The following CHD7 variants were observed in gnomAD, a reference collection of about 807,000 sequenced individuals.
CHD7 encodes the protein chromodomain helicase DNA binding protein 7.
In CHD7, 24 loss-of-function variants were observed where a neutral mutation model predicts 307.3. That is an observed-to-expected ratio of 0.08 (90% CI 0.06 to 0.11). The LOEUF (loss-of-function observed/expected upper bound fraction) is 0.11, where lower values mean the gene tolerates loss of function less well. Among genes scored for constraint, CHD7 ranks in the 10% least tolerant of loss-of-function variants. The pLI, the probability that CHD7 is intolerant of heterozygous loss-of-function variation, is 1.00. For missense variants in CHD7, 3,106 were observed against 3,727.1 expected (o/e 0.83, Z 4.34); for synonymous variants, 1,363 against 1,349.9 (o/e 1.01, Z -0.21).
At chr8:60,688,558 G>A (rs1022297256) in intron 1 of CHD7, among the ~76,000 whole-genome samples, 12 of 152,134 alleles carry the variant, frequency 7.9e-5, no homozygotes, top group African/African-American at 2.9e-4. Flanking sequence ...GTCCATCAGT[G>A]CAACCAGATG....
intron 9 of CHD7, among the ~76,000 whole-genome samples, 189 bp from the exon 10 acceptor site, chr8:60,821,601 T>C (rs1236049114): frequency 6.6e-6 from 1 of 150,922 alleles, no homozygotes; most frequent in Non-Finnish European, 1.5e-5. Flanking sequence ...TATACACACA[T>C]ACATATGTAT....
At chr8:60,731,454 C>T (rs1298886952) in intron 1 of CHD7, among the ~76,000 whole-genome samples, 9 of 152,074 alleles carry the variant, frequency 5.9e-5, no homozygotes, top group Non-Finnish European at 8.8e-5. Flanking sequence ...AAATGTGTTC[C>T]AACTGACGGC....
intron 13 of CHD7, 62 bp downstream of exon 13, chr8:60,824,078 C>A: frequency 1.4e-6 from 2 of 1,436,372 alleles, no homozygotes; most frequent in Non-Finnish European, 1.9e-6. Flanking sequence ...CTTGATAGTC[C>A]CGTTGCTCAG....
chr8:60,746,921 T>C (rs1009120065), intron 2 of CHD7, among the ~76,000 whole-genome samples: 1 of 152,234 alleles, frequency 6.6e-6, no homozygotes, highest in Non-Finnish European at 1.5e-5. Context: ...AATAGCTAAT[T>C]AGAACAGTTT....
chr8:60,700,661 C>T (rs1428694687), intron 1 of CHD7, among the ~76,000 whole-genome samples: 2 of 152,216 alleles, frequency 1.3e-5, no homozygotes, highest in Non-Finnish European at 2.9e-5. Context: ...TGTCAACATG[C>T]AGCTTTCTAA....
At chr8:60,727,328 A>G (rs1351975484) in intron 1 of CHD7, among the ~76,000 whole-genome samples, 6 of 152,060 alleles carry the variant, frequency 3.9e-5, no homozygotes, top group Non-Finnish European at 8.8e-5. Flanking sequence ...GGGTTTCCCC[A>G]TGTTGACCAG....
intron 2 of CHD7, among the ~76,000 whole-genome samples, chr8:60,747,387 A>T (rs1809384520): frequency 1.3e-5 from 2 of 152,154 alleles, no homozygotes; most frequent in African/African-American, 4.8e-5. Flanking sequence ...TAAAATATTG[A>T]TGAAAGTTTA....
At chr8:60,707,383 C>T (rs976421581) in intron 1 of CHD7, among the ~76,000 whole-genome samples, 59 of 152,218 alleles carry the variant, frequency 3.9e-4, no homozygotes, top group African/African-American at 1.4e-3. Flanking sequence ...GAGTGCTCTT[C>T]TGTGGTCCTG....
At chr8:60,784,460 T>A (rs1017277737) in intron 3 of CHD7, among the ~76,000 whole-genome samples, 1 of 152,210 alleles carries the variant, frequency 6.6e-6, no homozygotes, top group Non-Finnish European at 1.5e-5. Flanking sequence ...TACAAACAAG[T>A]GTGCTGTTCT....
intron 34 of CHD7, among the ~76,000 whole-genome samples, chr8:60,860,262 G>C (rs1024756042): frequency 1.3e-5 from 2 of 152,188 alleles, no homozygotes; most frequent in Non-Finnish European, 2.9e-5. Context: ...GGATCTCCAA[G>C]AGAGACTGAG....
chr8:60,679,842 G>C (rs1805498291), intron 1 of CHD7: 1 of 150,654 alleles, frequency 6.6e-6, no homozygotes, highest in Admixed American at 6.6e-5. Context: ...GGCGGGGGCA[G>C]CGCGAACACG....
chr8:60,754,776 G>C (rs1166504675), intron 2 of CHD7, among the ~76,000 whole-genome samples: 1 of 152,174 alleles, frequency 6.6e-6, no homozygotes, highest in Non-Finnish European at 1.5e-5. Flanking sequence ...TCAAATGGCA[G>C]GTTAAGTTGA....
chr8:60,738,554 T>A (rs923076634), intron 1 of CHD7, among the ~76,000 whole-genome samples: 3 of 152,166 alleles, frequency 2.0e-5, no homozygotes, highest in Admixed American at 6.5e-5. Flanking sequence ...CAGCTGCGAC[T>A]TGGGAAAGTG....
Position 60,793,792 on chromosome 8 carries a change from A to G in CHD7, c.2097-1194A>G, listed in dbSNP as rs74717159. On this transcript the variant is annotated intron_variant, in intron 3 of 37. Coordinates refer to ENST00000423902, the MANE Select transcript of CHD7 (RefSeq NM_017780.4). ...TCATTACTGAGGTTGGATTATTTTC[A>G]GTGTTGGATAACAAATAGTAATTGG... 2.0e-5 allele frequency among the ~76,000 whole-genome samples: 3 copies of G among 152,290 alleles called. No homozygotes were observed. The East Asian group carries it at 5.8e-4, about 29-fold the overall frequency.
intron 8 of CHD7, among the ~76,000 whole-genome samples, chr8:60,816,889 T>G (rs1033560982): frequency 2.0e-5 from 3 of 152,224 alleles, no homozygotes; most frequent in Non-Finnish European, 4.4e-5. Flanking sequence ...GGGGAAAGTA[T>G]GTGGCAAATT....
At chr8:60,752,428 C>A (rs757170495) in intron 2 of CHD7, among the ~76,000 whole-genome samples, 9 of 152,204 alleles carry the variant, frequency 5.9e-5, no homozygotes, top group African/African-American at 2.2e-4. Flanking sequence ...ATTCCACTCT[C>A]ACCCATTTGG....
chr8:60,706,467 C>G (rs1285858218), intron 1 of CHD7, among the ~76,000 whole-genome samples: 7 of 152,072 alleles, frequency 4.6e-5, no homozygotes, highest in Non-Finnish European at 1.0e-4. Context: ...GGAACAATGT[C>G]TGAACAGTGT....
intron 1 of CHD7, among the ~76,000 whole-genome samples, chr8:60,710,153 G>A (rs1489013619): frequency 6.6e-6 from 1 of 151,460 alleles, no homozygotes; most frequent in African/African-American, 2.4e-5. Flanking sequence ...TGGGGAAGAG[G>A]GTATTCAAGA....
chr8:60,780,817 C>T (rs1041715391), intron 2 of CHD7, among the ~76,000 whole-genome samples, 183 bp from the exon 3 acceptor site: 1 of 152,128 alleles, frequency 6.6e-6, no homozygotes, highest in African/African-American at 2.4e-5. Context: ...TTAAAAGATT[C>T]TCTCTTAAAC....
Sources: allele counts gnomAD v4.1 joint callset (sites outside exome capture counted in the v4.1 genomes callset), GRCh38; gene constraint gnomAD v4.1.1; transcripts MANE v1.5; gene names NCBI Gene and HGNC (gene_info 2026-07-23, HGNC 2026-07-21).